Variants in POLN observed in about 807,000 individuals in gnomAD.
POLN encodes the protein DNA polymerase N.
In POLN, 108 loss-of-function variants were observed where a neutral mutation model predicts 113.5. The observed-to-expected ratio is 0.95, with a 90% CI of 0.81 to 1.12. POLN has a LOEUF of 1.12. Ranked by LOEUF, POLN falls within the 50% of genes most tolerant of loss-of-function variation. The pLI is 0.00. For missense variants in POLN, 1,097 were observed against 1,077.1 expected (o/e 1.02, Z -0.26); for synonymous variants, 386 against 391.5 (o/e 0.99, Z 0.17).
chr4:2,176,508 C>T (rs1448915470), intron 8 of POLN, among the ~76,000 whole-genome samples, 174 bp from the exon 9 acceptor site: 4 of 152,200 alleles, frequency 2.6e-5, no homozygotes, highest in Non-Finnish European at 1.5e-5. Flanking sequence ...GACAAGTTCG[C>T]ATCTGTAGAA....
chr4:2,215,325 C>T (rs566321219), intron 3 of POLN, among the ~76,000 whole-genome samples: 1 of 152,288 alleles, frequency 6.6e-6, no homozygotes, highest in South Asian at 2.1e-4. Context: ...CCCGCTTATG[C>T]ACACGAAGAT....
At chr4:2,137,838 C>T (rs1000427935) in intron 16 of POLN, among the ~76,000 whole-genome samples, 6 of 151,876 alleles carry the variant, frequency 4.0e-5, no homozygotes, top group African/African-American at 9.7e-5. Context: ...TTTCTTCGGT[C>T]GGGGGGCGGG....
At chr4:2,195,058 G>A (rs967098989) in intron 6 of POLN, among the ~76,000 whole-genome samples, 63 of 152,226 alleles carry the variant, frequency 4.1e-4, no homozygotes, top group Middle Eastern at 6.8e-3. Flanking sequence ...GGGAGAGTGT[G>A]TATGTGAAAG....
rs558286750 is a variant in POLN at position 2,191,407 on chromosome 4, G to T, written c.1021+1797C>A. On this transcript the variant is annotated intron_variant, in intron 7 of 25. Coordinates refer to ENST00000511885, the MANE Select transcript of POLN (RefSeq NM_181808.4). ...ATACATAGTTAGGCAGAAGAAAGAAGACCTGGTGTTCAGTAAATCAGTAGA... is the reference window on the plus strand; with the variant it reads ...ATACATAGTTAGGCAGAAGAAAGAATACCTGGTGTTCAGTAAATCAGTAGA... 3.9e-5 allele frequency among the ~76,000 whole-genome samples: 6 copies of T among 152,260 alleles called. No homozygotes were observed. The South Asian group carries it at 1.2e-3, about 32-fold the overall frequency.
chr4:2,228,318 G>GTT (rs1388323178), intron 3 of POLN: 3 of 190,284 alleles, frequency 1.6e-5, no homozygotes, highest in Middle Eastern at 2.2e-3. Context: ...AAACATTTCA[G>GTT]TGACATTTGT....
At chr4:2,091,782 T>TGC in intron 20 of POLN, among the ~76,000 whole-genome samples, 1 of 104,600 alleles carries the variant, frequency 9.6e-6, no homozygotes, top group African/African-American at 4.5e-5. Flanking sequence ...TGTGTGTGTG[T>TGC]GTGTGTGTGT....
At chr4:2,235,857 T>C (rs1347319780) in intron 2 of POLN, among the ~76,000 whole-genome samples, 2 of 152,156 alleles carry the variant, frequency 1.3e-5, no homozygotes, top group Non-Finnish European at 2.9e-5. Flanking sequence ...AGAGGAATTA[T>C]ATTAGGAGGA....
At chr4:2,161,737 C>G (rs1015044431) in intron 13 of POLN, among the ~76,000 whole-genome samples, 2 of 152,234 alleles carry the variant, frequency 1.3e-5, no homozygotes, top group Non-Finnish European at 2.9e-5. Flanking sequence ...GCTCCTGAGT[C>G]TGGTGGGGAC....
At chr4:2,164,025 CA>C (rs1342653209) in intron 13 of POLN, among the ~76,000 whole-genome samples, 4 of 152,198 alleles carry the variant, frequency 2.6e-5, no homozygotes, top group Non-Finnish European at 5.9e-5. Context: ...TCAGAAAACT[CA>C]AAACTACTCC....
At position 2,127,999 on chromosome 4, in the gene POLN, C is replaced by A; in HGVS notation, c.1982+114G>T. ...TCTTTTCAAAATGATTAGCTATTAG[C>A]CACAAAAAATATAATTTCTGCCTTA... On this transcript the variant is annotated intron_variant, in intron 19 of 25. Transcript: ENST00000511885. This position sits in a 1 kb window ranked among gnomAD's most constrained non-coding sequence, Gnocchi z 4.7. The A allele has an allele frequency of 1.5e-6, 1 of 685,544 alleles. No individual in the cohort carries two copies. Among genetic ancestry groups the A allele is most frequent in the Non-Finnish European group, 2.5e-6 (1 of 402,696 alleles). The allele number at this position is 685,544 out of a possible 1,614,324, so 42.5% of individuals were successfully genotyped here.
At chr4:2,088,645 G>T in intron 20 of POLN, 1 of 678,308 alleles carries the variant, frequency 1.5e-6, no homozygotes, top group Non-Finnish European at 2.1e-6. Flanking sequence ...ATAATATAAA[G>T]TGATCCTCTA....
At chr4:2,097,946 A>T (rs551376125) in intron 19 of POLN, among the ~76,000 whole-genome samples, 1 of 152,306 alleles carries the variant, frequency 6.6e-6, no homozygotes, top group Non-Finnish European at 1.5e-5. Flanking sequence ...GGGGCTGTGT[A>T]CCCCACCATT....
At chr4:2,184,406 C>T (rs1156994431) in intron 7 of POLN, among the ~76,000 whole-genome samples, 1 of 151,968 alleles carries the variant, frequency 6.6e-6, no homozygotes, top group Non-Finnish European at 1.5e-5. Flanking sequence ...TTTAGAAATA[C>T]AAAGAAAGAT....
At chr4:2,100,835 T>C (rs938687096) in intron 19 of POLN, among the ~76,000 whole-genome samples, 5 of 152,244 alleles carry the variant, frequency 3.3e-5, no homozygotes, top group Non-Finnish European at 7.3e-5. Flanking sequence ...TGGGTTGGAA[T>C]TGACTAATTA....
chr4:2,156,399 G>C (rs1248683574), intron 16 of POLN: 1 of 443,820 alleles, frequency 2.3e-6, no homozygotes, highest in East Asian at 6.9e-5. Flanking sequence ...TTCTTCATCA[G>C]AGATACAGCT....
chr4:2,117,626 G>T (rs560544951), intron 19 of POLN, among the ~76,000 whole-genome samples: 8 of 152,296 alleles, frequency 5.3e-5, no homozygotes, highest in African/African-American at 1.9e-4. Context: ...ACTCCATTTG[G>T]AAAGGGGAAG....
chr4:2,135,136 C>G (rs958418296), intron 16 of POLN, among the ~76,000 whole-genome samples: 4 of 152,096 alleles, frequency 2.6e-5, no homozygotes, highest in African/African-American at 9.7e-5. Context: ...ACGCAGGGTT[C>G]AAATGAACAA....
chr4:2,131,949 G>A (rs1731737728), intron 16 of POLN, among the ~76,000 whole-genome samples: 1 of 152,170 alleles, frequency 6.6e-6, no homozygotes, highest in Non-Finnish European at 1.5e-5. Flanking sequence ...ATAATACCCT[G>A]CTTTGTCTGG....
intron 13 of POLN, among the ~76,000 whole-genome samples, chr4:2,169,112 C>T (rs930898764): frequency 7.2e-5 from 11 of 152,130 alleles, no homozygotes; most frequent in Admixed American, 1.3e-4. Context: ...AAGGAGCTGG[C>T]GCACAGAGCT....
Sources: allele counts gnomAD v4.1 joint callset (sites outside exome capture counted in the v4.1 genomes callset), GRCh38; gene constraint gnomAD v4.1.1; non-coding constraint Gnocchi (gnomAD v3.1); transcripts MANE v1.5; gene names NCBI Gene and HGNC (gene_info 2026-07-23, HGNC 2026-07-21).